The following ZFPM2 variants were observed in gnomAD, a reference collection of about 807,000 sequenced individuals.
ZFPM2 encodes zinc finger protein, FOG family member 2.
A neutral mutation model predicts 98.6 loss-of-function variants in ZFPM2; 20 were observed. The observed-to-expected ratio is 0.20, with a 90% CI of 0.14 to 0.29. ZFPM2 has a LOEUF of 0.29. Ranked by LOEUF, ZFPM2 falls within the 10% of genes least tolerant of loss-of-function variation. ZFPM2 has a pLI of 1.00. For synonymous variants in ZFPM2, 518 were observed against 502.7 expected (o/e 1.03, Z -0.41); for missense variants, 1,310 against 1,388.6 (o/e 0.94, Z 0.90).
intron 5 of ZFPM2, among the ~76,000 whole-genome samples, chr8:105,672,300 C>G (rs4734887): frequency 0.18 from 27,118 of 151,652 alleles, 2,401 homozygotes; most frequent in Middle Eastern, 0.24. Flanking sequence ...TTGATTAACA[C>G]TGTATTACAT....
At chr8:105,700,883 G>A (rs1263665756) in intron 5 of ZFPM2, among the ~76,000 whole-genome samples, 3 of 152,162 alleles carry the variant, frequency 2.0e-5, no homozygotes, top group Non-Finnish European at 4.4e-5. Flanking sequence ...GAGCCACTGC[G>A]CCCAGCCATC....
At chr8:105,568,779 C>T (rs1815294822) in intron 4 of ZFPM2, among the ~76,000 whole-genome samples, 1 of 152,054 alleles carries the variant, frequency 6.6e-6, no homozygotes, top group South Asian at 2.1e-4. Context: ...CGAGAATACC[C>T]CAAGGTTTTG....
intron 2 of ZFPM2, among the ~76,000 whole-genome samples, chr8:105,439,337 C>T (rs1444325960): frequency 7.9e-5 from 12 of 152,142 alleles, no homozygotes; most frequent in Admixed American, 4.6e-4. Flanking sequence ...ATGGTTCTCT[C>T]CTCAACTGGA....
intron 4 of ZFPM2, among the ~76,000 whole-genome samples, chr8:105,594,371 T>C (rs1168431922): frequency 6.6e-6 from 1 of 152,170 alleles, no homozygotes; most frequent in Non-Finnish European, 1.5e-5. Context: ...GAATGGACCT[T>C]TTACTTTTAA....
intron 1 of ZFPM2, among the ~76,000 whole-genome samples, chr8:105,412,356 A>G (rs757161960): frequency 3.3e-5 from 5 of 151,782 alleles, no homozygotes; most frequent in Non-Finnish European, 5.9e-5. Context: ...AATTCAGGTA[A>G]TTTCCTTCAA....
intron 2 of ZFPM2, among the ~76,000 whole-genome samples, chr8:105,423,815 A>G (rs1038376400): frequency 6.6e-6 from 1 of 152,188 alleles, no homozygotes; most frequent in African/African-American, 2.4e-5. Flanking sequence ...CAATTCTTGG[A>G]TGAACTCAAA....
intron 3 of ZFPM2, among the ~76,000 whole-genome samples, chr8:105,530,356 C>T (rs1474017714): frequency 6.6e-6 from 1 of 152,142 alleles, no homozygotes; most frequent in African/African-American, 2.4e-5. Flanking sequence ...CCAGCCTTAA[C>T]ATAGATTGTG....
In ZFPM2 at chr8:105,650,356, T is replaced by C. The variant is rs1458355960; in HGVS notation, c.532+15999T>C. On this transcript the variant is annotated intron_variant, in intron 5 of 7. Transcript: ENST00000407775. ...CTGGATTCATTGATTTTTTGAAGGG[T>C]TTTTCGTGTCTCTATCTCCTTCAGT... Among the ~76,000 whole-genome samples, 4 of 152,106 alleles carry C rather than the reference T, an allele frequency of 2.6e-5. No individual in the cohort carries two copies. In the East Asian group the frequency reaches 7.7e-4, roughly 29 times the overall value.
intron 1 of ZFPM2, among the ~76,000 whole-genome samples, chr8:105,416,095 A>G (rs1811674935): frequency 2.0e-5 from 3 of 151,896 alleles, no homozygotes; most frequent in African/African-American, 2.4e-5. Flanking sequence ...AATAGATAAT[A>G]TTAAGATCTT....
At chr8:105,349,502 GT>G (rs1812603281) in intron 1 of ZFPM2, among the ~76,000 whole-genome samples, 1 of 152,128 alleles carries the variant, frequency 6.6e-6, no homozygotes, top group Non-Finnish European at 1.5e-5. Flanking sequence ...TAACTGATGG[GT>G]ATCCAGTAAC....
chr8:105,551,170 T>C (rs1305681396), intron 3 of ZFPM2, among the ~76,000 whole-genome samples: 2 of 152,224 alleles, frequency 1.3e-5, no homozygotes, highest in Non-Finnish European at 1.5e-5. Flanking sequence ...ATATATAGTA[T>C]GTTTATTGAA....
At chr8:105,563,372 G>C (rs904666543) in intron 4 of ZFPM2, among the ~76,000 whole-genome samples, 2 of 152,050 alleles carry the variant, frequency 1.3e-5, no homozygotes, top group African/African-American at 4.8e-5. Flanking sequence ...GAGATCCCAG[G>C]GGTATATTTA....
chr8:105,481,833 C>T (rs1172626671), intron 3 of ZFPM2, among the ~76,000 whole-genome samples: 1 of 152,182 alleles, frequency 6.6e-6, no homozygotes, highest in Non-Finnish European at 1.5e-5. Context: ...CACAAACTAA[C>T]TCGATAGTGT....
At chr8:105,473,061 ATTTTTTAT>A (rs1812939984) in intron 3 of ZFPM2, among the ~76,000 whole-genome samples, 2 of 151,654 alleles carry the variant, frequency 1.3e-5, no homozygotes, top group African/African-American at 4.8e-5. Context: ...TGCCTAGATG[ATTTTTTAT>A]TTTTTTATTT....
intron 5 of ZFPM2, among the ~76,000 whole-genome samples, chr8:105,676,442 CT>C (rs1358748467): frequency 6.6e-6 from 1 of 152,040 alleles, no homozygotes; most frequent in Non-Finnish European, 1.5e-5. Context: ...TCTCCTAAAA[CT>C]TCAGTTTTAT....
At position 105,519,519 on chromosome 8, in the gene ZFPM2, A is replaced by G. The variant is rs1456770702; in HGVS notation, c.302-41844A>G. Among the ~76,000 whole-genome samples the G allele has an allele frequency of 3.3e-5, 5 of 152,230 alleles. No homozygotes were observed. In the East Asian group the frequency reaches 9.6e-4, roughly 29 times the overall value. On this transcript the variant is annotated intron_variant, in intron 3 of 7. Coordinates refer to ENST00000407775, the MANE Select transcript of ZFPM2 (RefSeq NM_012082.4). ...ATGATTATTTTAAGGAGTTTAATAT[A>G]CTTTTGAATATACACTGCTCTGATC...
intron 5 of ZFPM2, among the ~76,000 whole-genome samples, chr8:105,786,715 T>G (rs1424844663): frequency 6.6e-6 from 1 of 152,230 alleles, no homozygotes. Flanking sequence ...GAATTTAATT[T>G]TACTTATTTA....
intron 5 of ZFPM2, among the ~76,000 whole-genome samples, chr8:105,786,065 A>AAT (rs1266604200): frequency 6.6e-6 from 1 of 151,270 alleles, no homozygotes; most frequent in East Asian, 1.9e-4. Context: ...AAAAAAAAAA[A>AAT]AAAAATTAGC....
intron 1 of ZFPM2, among the ~76,000 whole-genome samples, chr8:105,388,651 G>A (rs1811047926): frequency 6.6e-6 from 1 of 152,160 alleles, no homozygotes; most frequent in Non-Finnish European, 1.5e-5. Context: ...TTTTAGAAAG[G>A]CAGCATTGGA....
Sources: allele counts gnomAD v4.1 joint callset (sites outside exome capture counted in the v4.1 genomes callset), GRCh38; gene constraint gnomAD v4.1.1; transcripts MANE v1.5; gene names NCBI Gene and HGNC (gene_info 2026-07-23, HGNC 2026-07-21).